The following PKHD1 variants were observed in gnomAD, a reference collection of about 807,000 sequenced individuals.
PKHD1 encodes the protein fibrocystin.
Under a neutral mutation model 412.0 loss-of-function variants are expected in PKHD1, and 291 were observed. The observed-to-expected ratio is 0.71, with a 90% CI of 0.64 to 0.78. PKHD1 has a LOEUF of 0.78. Among genes scored for constraint, PKHD1 ranks in the 30% least tolerant of loss-of-function variants. The pLI, the probability that PKHD1 is intolerant of heterozygous loss-of-function variation, is 0.00. For missense variants in PKHD1, 4,825 were observed against 4,950.7 expected (o/e 0.97, Z 0.76); for synonymous variants, 1,777 against 1,821.5 (o/e 0.98, Z 0.62).
chr6:51,784,033 C>G (rs1276343439), intron 53 of PKHD1, among the ~76,000 whole-genome samples: 1 of 152,106 alleles, frequency 6.6e-6, no homozygotes, highest in East Asian at 1.9e-4. Flanking sequence ...TCAGTCATAA[C>G]AGCATATTAT....
intron 60 of PKHD1, among the ~76,000 whole-genome samples, chr6:51,693,913 T>C (rs1210649803): frequency 6.6e-6 from 1 of 152,208 alleles, no homozygotes; most frequent in African/African-American, 2.4e-5. Flanking sequence ...AAGCATCTTT[T>C]TCACTTTTAA....
intron 53 of PKHD1, among the ~76,000 whole-genome samples, chr6:51,785,962 G>A (rs12661921): frequency 0.031 from 4,733 of 152,130 alleles, 151 homozygotes; most frequent in Middle Eastern, 0.075. Flanking sequence ...ATGAGTCTGG[G>A]TACTTAACAA....
intron 64 of PKHD1, among the ~76,000 whole-genome samples, chr6:51,635,783 G>C (rs1014290390): frequency 6.1e-5 from 9 of 147,096 alleles, no homozygotes; most frequent in African/African-American, 1.5e-4. Context: ...TGACTTTCTG[G>C]GGGGAGAATA....
intron 36 of PKHD1, among the ~76,000 whole-genome samples, chr6:51,939,527 C>T (rs1268211836): frequency 2.6e-5 from 4 of 151,554 alleles, no homozygotes; most frequent in Admixed American, 6.6e-5. Flanking sequence ...TGCCACTTGA[C>T]CCCATTACAA....
chr6:51,895,274 GT>G (rs1471382023), intron 43 of PKHD1, among the ~76,000 whole-genome samples: 7 of 152,086 alleles, frequency 4.6e-5, no homozygotes, highest in African/African-American at 1.7e-4. Context: ...GGGAACACAG[GT>G]TTTTTTCACG....
chr6:52,081,427 T>C (rs932763872), intron 4 of PKHD1, among the ~76,000 whole-genome samples: 4 of 152,188 alleles, frequency 2.6e-5, no homozygotes, highest in Non-Finnish European at 4.4e-5. Context: ...ATTAAACACA[T>C]CCCCTGCCCT....
intron 60 of PKHD1, among the ~76,000 whole-genome samples, chr6:51,696,949 G>A (rs1582138790): frequency 1.3e-5 from 2 of 152,198 alleles, no homozygotes; most frequent in East Asian, 3.9e-4. Context: ...AGCACTTTGG[G>A]AGGTTGAGGT....
At chr6:51,807,935 T>C (rs1451561040) in intron 52 of PKHD1, among the ~76,000 whole-genome samples, 1 of 152,032 alleles carries the variant, frequency 6.6e-6, no homozygotes, top group Admixed American at 6.6e-5. Flanking sequence ...TAGGGAGTTA[T>C]AGCCTAAGGG....
chr6:51,896,635 TC>T (rs1201744845), intron 43 of PKHD1, among the ~76,000 whole-genome samples: 4 of 152,114 alleles, frequency 2.6e-5, no homozygotes, highest in African/African-American at 9.7e-5. Context: ...ACGCAGTTCC[TC>T]ACCAGCAACG....
At chr6:51,662,586 T>A (rs1330002910) in intron 60 of PKHD1, among the ~76,000 whole-genome samples, 3 of 151,882 alleles carry the variant, frequency 2.0e-5, no homozygotes, top group Non-Finnish European at 4.4e-5. Flanking sequence ...TCAATATGAT[T>A]GCAGAAATCA....
intron 57 of PKHD1, among the ~76,000 whole-genome samples, chr6:51,749,025 G>A (rs1248289427): frequency 6.6e-6 from 1 of 152,172 alleles, no homozygotes; most frequent in African/African-American, 2.4e-5. Flanking sequence ...TGGGTTTCTG[G>A]CCCTTCACCT....
intron 60 of PKHD1, among the ~76,000 whole-genome samples, chr6:51,679,209 T>C (rs1363756388): frequency 6.6e-6 from 1 of 152,086 alleles, no homozygotes; most frequent in African/African-American, 2.4e-5. Context: ...CTGAAATCTT[T>C]CATGGCTGCT....
chr6:52,082,878 A>T (rs1432598170), intron 3 of PKHD1, among the ~76,000 whole-genome samples: 1 of 152,202 alleles, frequency 6.6e-6, no homozygotes, highest in Non-Finnish European at 1.5e-5. Flanking sequence ...AGATTCTGGG[A>T]GATGCATTGC....
intron 37 of PKHD1, among the ~76,000 whole-genome samples, chr6:51,922,435 T>A (rs909489839): frequency 1.3e-5 from 2 of 152,204 alleles, no homozygotes; most frequent in Middle Eastern, 3.2e-3. Flanking sequence ...ATTCTCAGAT[T>A]TCAAACTCTG....
intron 36 of PKHD1, 125 bp from the exon 37 acceptor site, chr6:51,934,447 T>C (rs1214126308): frequency 9.7e-6 from 7 of 719,852 alleles, no homozygotes; most frequent in Admixed American, 2.0e-5. Context: ...TATTTTATCA[T>C]GCTCTCTCTT....
chr6:51,912,373 G>C lies in PKHD1; in HGVS notation c.6325C>G (p.Pro2109Ala). 6.2e-7 allele frequency: 1 copy of C among 1,606,482 alleles called. No individual in the cohort carries two copies. The highest frequency in any genetic ancestry group is 1.1e-5 in the South Asian group (1 of 90,948). ...CAAGCTGACACTCAGTACCTCAAAGGTGACTTAAGATAGAGGTCTGTATCC... is the reference window on the plus strand; with the variant it reads ...CAAGCTGACACTCAGTACCTCAAAGCTGACTTAAGATAGAGGTCTGTATCC... ...VQDTDLYLKS[P>A]LRYSHNFTEN... Residue 2109 changes from proline (P) to alanine (A), a missense_variant, in exon 38 of 67, where the codon CCT (proline) becomes GCT (alanine). By Grantham distance (27) the Pro-to-Ala change is conservative. Transcript: ENST00000371117.
intron 15 of PKHD1, among the ~76,000 whole-genome samples, chr6:52,059,700 A>G (rs1226992602): frequency 6.6e-6 from 1 of 152,242 alleles, no homozygotes. Context: ...AGTGAAAACT[A>G]GAGACAAGGT....
intron 49 of PKHD1, among the ~76,000 whole-genome samples, chr6:51,850,971 G>A (rs1164465806): frequency 6.6e-6 from 1 of 152,148 alleles, no homozygotes; most frequent in Non-Finnish European, 1.5e-5. Context: ...CTTGTCTTGT[G>A]CTGGTTTTCA....
At chr6:51,956,251 T>A (rs1164664496) in intron 36 of PKHD1, among the ~76,000 whole-genome samples, 1 of 151,956 alleles carries the variant, frequency 6.6e-6, no homozygotes, top group East Asian at 1.9e-4. Flanking sequence ...ATATTTTGCG[T>A]GTGTAAATAT....
Sources: gnomAD v4.1 joint callset for allele counts (sites outside exome capture counted in the v4.1 genomes callset) on GRCh38, gnomAD v4.1.1 for gene constraint, MANE v1.5 for transcripts, NCBI Gene and HGNC (gene_info 2026-07-23, HGNC 2026-07-21) for gene names.